Variants in SYT10 observed in about 807,000 individuals in gnomAD.
SYT10 encodes synaptotagmin-10.
SYT10 carries 31 observed loss-of-function variants against 51.1 expected under a neutral mutation model. That is an observed-to-expected ratio of 0.61 (90% confidence interval 0.46 to 0.82). The LOEUF (loss-of-function observed/expected upper bound fraction) is 0.82. SYT10 is among the 40% of genes least tolerant of loss of function. The pLI is 0.00. For missense variants in SYT10, 603 were observed against 634.0 expected (o/e 0.95, Z 0.53); for synonymous variants, 233 against 225.9 (o/e 1.03, Z -0.28).
intron 2 of SYT10, among the ~76,000 whole-genome samples, chr12:33,424,609 T>C (rs1257918467): frequency 6.6e-6 from 1 of 152,002 alleles, no homozygotes; most frequent in Non-Finnish European, 1.5e-5. Flanking sequence ...TTTTCCCCTA[T>C]AGGTATAGCG....
chr12:33,437,355 T>C (rs1454857821), intron 1 of SYT10, among the ~76,000 whole-genome samples: 1 of 152,222 alleles, frequency 6.6e-6, no homozygotes, highest in African/African-American at 2.4e-5. Flanking sequence ...TCTCACTTTT[T>C]ATTCCCAAGG....
At chr12:33,386,910 C>T (rs556910190) in intron 3 of SYT10, among the ~76,000 whole-genome samples, 1 of 152,318 alleles carries the variant, frequency 6.6e-6, no homozygotes, top group South Asian at 2.1e-4. Flanking sequence ...GAACTGTCCA[C>T]AGTACCCTGA....
intron 2 of SYT10, among the ~76,000 whole-genome samples, chr12:33,424,707 A>ACAATTATTT (rs1656028475): frequency 6.6e-6 from 1 of 151,860 alleles, no homozygotes; most frequent in Non-Finnish European, 1.5e-5. Context: ...GGCTTATTGG[A>ACAATTATTT]CAATTATTTT....
chr12:33,393,762 C>T (rs1328475613), intron 3 of SYT10, among the ~76,000 whole-genome samples: 2 of 152,212 alleles, frequency 1.3e-5, no homozygotes, highest in East Asian at 3.9e-4. Flanking sequence ...TCCCATCACT[C>T]TCATCAGAGA....
chr12:33,427,909 G>GA (rs1266162461), intron 1 of SYT10, among the ~76,000 whole-genome samples: 1 of 152,052 alleles, frequency 6.6e-6, no homozygotes, highest in Non-Finnish European at 1.5e-5. Flanking sequence ...TTAATTCAAA[G>GA]AAAAATGAGT....
At chr12:33,409,088 A>T (rs924674871) in intron 2 of SYT10, among the ~76,000 whole-genome samples, 1 of 151,930 alleles carries the variant, frequency 6.6e-6, no homozygotes, top group Non-Finnish European at 1.5e-5. Flanking sequence ...GTGCACCCTC[A>T]GAACACTCAT....
At chr12:33,388,053 G>A (rs2138391237) in intron 3 of SYT10, among the ~76,000 whole-genome samples, 1 of 152,084 alleles carries the variant, frequency 6.6e-6, no homozygotes, top group African/African-American at 2.4e-5. Context: ...ATGTGGAGAT[G>A]GGGAAATTAA....
chr12:33,413,889 T>A lies in SYT10; in HGVS notation c.510-6533A>T, dbSNP rs960949505. ...CTCCAATTAAAAGACACAGACTGGC[T>A]AATTGGATAAAGAGTCAAGACCCAT... On this transcript the variant is annotated intron_variant, in intron 2 of 6. Coordinates refer to ENST00000228567, the MANE Select transcript of SYT10 (RefSeq NM_198992.4). 7.6e-4 allele frequency among the ~76,000 whole-genome samples: 116 copies of A among 152,140 alleles called. 3 individuals are homozygous for A. The highest frequency in any genetic ancestry group is 4.7e-4 in the Non-Finnish European group (32 of 67,984).
At chr12:33,423,350 TGC>T (rs1194507305) in intron 2 of SYT10, among the ~76,000 whole-genome samples, 6 of 152,056 alleles carry the variant, frequency 3.9e-5, no homozygotes, top group African/African-American at 1.4e-4. Context: ...TGTGTGTGTG[TGC>T]GTGCCTGTGC....
rs570710617 is a variant in SYT10, at chr12:33,438,359, C to T, written c.151+1013G>A. 2.0e-5 allele frequency among the ~76,000 whole-genome samples: 3 copies of T among 152,274 alleles called. No homozygotes were observed. In the South Asian group the frequency reaches 6.2e-4, roughly 32 times the overall value. ...ATCCCCAAAGCAGTGTTTTTTGACTCCTAGTGCAACAAGTGACCCTCTCAA... is the reference window on the plus strand; with the variant it reads ...ATCCCCAAAGCAGTGTTTTTTGACTTCTAGTGCAACAAGTGACCCTCTCAA... On this transcript the variant is annotated intron_variant, in intron 1 of 6. Coordinates refer to ENST00000228567, the MANE Select transcript of SYT10 (RefSeq NM_198992.4).
At chr12:33,397,693 A>G (rs1866268768) in intron 3 of SYT10, among the ~76,000 whole-genome samples, 1 of 152,022 alleles carries the variant, frequency 6.6e-6, no homozygotes, top group Non-Finnish European at 1.5e-5. Context: ...AACAGAGGGA[A>G]CAAAGTGCCT....
chr12:33,390,544 C>T (rs934224028), intron 3 of SYT10, among the ~76,000 whole-genome samples: 6 of 146,180 alleles, frequency 4.1e-5, no homozygotes, highest in African/African-American at 1.6e-4. Flanking sequence ...TTATTATGCT[C>T]CCACAACCCA....
intron 4 of SYT10, 104 bp downstream of exon 4, chr12:33,385,067 C>G (rs1866145795): frequency 3.0e-6 from 4 of 1,347,548 alleles, no homozygotes; most frequent in South Asian, 3.1e-5. Context: ...TTTTGTAGTA[C>G]TCCCATTATA....
intron 2 of SYT10, among the ~76,000 whole-genome samples, chr12:33,424,657 G>A (rs548477533): frequency 3.3e-5 from 5 of 151,774 alleles, no homozygotes; most frequent in Admixed American, 3.3e-4. Context: ...TCCTCCCAAA[G>A]ACATTTTTTC....
intron 1 of SYT10, among the ~76,000 whole-genome samples, chr12:33,431,458 C>T (rs1866596482): frequency 6.6e-6 from 1 of 152,100 alleles, no homozygotes. Flanking sequence ...TTGCACATTG[C>T]CTCTTATAAT....
chr12:33,411,533 A>G (rs146153830), intron 2 of SYT10, among the ~76,000 whole-genome samples: 2,338 of 152,280 alleles, frequency 0.015, 28 homozygotes, highest in South Asian at 0.023. Flanking sequence ...TTGTAAGGCG[A>G]TTTGTGGTAT....
At chr12:33,405,902 A>G (rs1866348937) in intron 3 of SYT10, 2 of 151,904 alleles carry the variant, frequency 1.3e-5, no homozygotes, top group Admixed American at 6.5e-5. Context: ...AATTTTTCAT[A>G]TAACAAAATT....
At chr12:33,420,007 C>G (rs1229352354) in intron 2 of SYT10, among the ~76,000 whole-genome samples, 2 of 152,146 alleles carry the variant, frequency 1.3e-5, no homozygotes, top group Non-Finnish European at 2.9e-5. Context: ...TTTATACCTT[C>G]CCCTTACTTT....
intron 6 of SYT10, among the ~76,000 whole-genome samples, chr12:33,379,296 C>T (rs560434062): frequency 3.9e-5 from 6 of 152,088 alleles, no homozygotes; most frequent in South Asian, 4.1e-4. Flanking sequence ...GCCTTGAACT[C>T]GACTAAACTG....
Sources: allele counts gnomAD v4.1 joint callset (sites outside exome capture counted in the v4.1 genomes callset), GRCh38; gene constraint gnomAD v4.1.1; transcripts MANE v1.5; gene names NCBI Gene and HGNC (gene_info 2026-07-23, HGNC 2026-07-21).